Variants in NRG1 observed in about 807,000 individuals in gnomAD.
NRG1 encodes pro-neuregulin-1, membrane-bound isoform.
NRG1 carries 18 observed loss-of-function variants against 63.8 expected under a neutral mutation model. The observed-to-expected ratio is 0.28, with a 90% CI of 0.19 to 0.42. NRG1 has a LOEUF of 0.42. Among genes scored for constraint, NRG1 ranks in the 10% least tolerant of loss-of-function variants. The pLI is 1.00. For synonymous variants in NRG1, 302 were observed against 301.3 expected (o/e 1.00, Z -0.02); for missense variants, 762 against 814.7 (o/e 0.94, Z 0.79).
chr8:32,004,011 T>G (rs985284702), intron 1 of NRG1, among the ~76,000 whole-genome samples: 2 of 152,018 alleles, frequency 1.3e-5, no homozygotes, highest in African/African-American at 4.8e-5. Flanking sequence ...GAAAATACCA[T>G]TGAAGATGGG....
At chr8:32,768,517 G>A (rs1831589745), downstream of NRG1, among the ~76,000 whole-genome samples, 1 of 152,150 alleles carries the variant, frequency 6.6e-6, no homozygotes, top group Non-Finnish European at 1.5e-5. Flanking sequence ...AGAAGGCCAA[G>A]TTAGGTTCAT....
intron 1 of NRG1, among the ~76,000 whole-genome samples, chr8:32,109,693 C>T (rs1051444349): frequency 6.6e-6 from 1 of 152,084 alleles, no homozygotes; most frequent in Admixed American, 6.5e-5. Context: ...CTCATCAACA[C>T]CAAGAAGCTG....
chr8:31,812,090 A>C (rs1259447582), intron 1 of NRG1, among the ~76,000 whole-genome samples: 1 of 152,230 alleles, frequency 6.6e-6, no homozygotes. Context: ...TTCAGGCTCT[A>C]TAATGGATTA....
intron 1 of NRG1, among the ~76,000 whole-genome samples, chr8:31,836,078 C>T (rs957826882): frequency 6.6e-6 from 1 of 152,076 alleles, no homozygotes; most frequent in Non-Finnish European, 1.5e-5. Flanking sequence ...ACATGTAAGG[C>T]AACACATTCT....
chr8:32,294,271 T>A lies in NRG1; in HGVS notation c.38-301557T>A, dbSNP rs972332805. 2.6e-5 allele frequency among the ~76,000 whole-genome samples: 4 copies of A among 151,960 alleles called. No individual in the cohort carries two copies. In the South Asian group the frequency reaches 6.2e-4, roughly 24 times the overall value. On this transcript the variant is annotated intron_variant, in intron 1 of 10. Coordinates refer to the NRG1 transcript ENST00000519301. Reference sequence around the variant, plus strand: ...GGGCAGAAAACGCATTTTAGTCAACTGTTGTATAAATATTCTAAACTAGTA... The same window carrying A: ...GGGCAGAAAACGCATTTTAGTCAACAGTTGTATAAATATTCTAAACTAGTA...
At chr8:32,759,475 A>G (rs772788845) in intron 10 of NRG1, 39 bp downstream of exon 10, 7 of 1,605,932 alleles carry the variant, frequency 4.4e-6, no homozygotes, top group South Asian at 2.2e-5. Flanking sequence ...TTCTCTCAGA[A>G]TGAATTGTTG....
At chr8:31,942,235 A>C (rs1294003338) in intron 1 of NRG1, among the ~76,000 whole-genome samples, 1 of 152,022 alleles carries the variant, frequency 6.6e-6, no homozygotes, top group Admixed American at 6.6e-5. Flanking sequence ...AATAAACCCA[A>C]ATACTTACAG....
intron 5 of NRG1, among the ~76,000 whole-genome samples, chr8:32,633,566 C>G (rs1160480860): frequency 6.6e-6 from 1 of 152,148 alleles, no homozygotes; most frequent in African/African-American, 2.4e-5. Flanking sequence ...TGTTTCCTGA[C>G]AGGCTCATTA....
chr8:32,482,398 T>TGTGTGTGTG (rs1825407330), intron 1 of NRG1, among the ~76,000 whole-genome samples: 2 of 148,220 alleles, frequency 1.3e-5, no homozygotes, highest in Non-Finnish European at 3.0e-5. Context: ...CTTTCTACTT[T>TGTGTGTGTG]TGTGTGTGTG....
At chr8:31,693,546 G>A (rs971347886) in intron 1 of NRG1, among the ~76,000 whole-genome samples, 11 of 151,872 alleles carry the variant, frequency 7.2e-5, no homozygotes, top group African/African-American at 2.4e-4. Flanking sequence ...ATGAAATGAG[G>A]CATATGCTGT....
At chr8:32,681,595 A>G (rs1808652088) in intron 5 of NRG1, among the ~76,000 whole-genome samples, 1 of 152,188 alleles carries the variant, frequency 6.6e-6, no homozygotes, top group African/African-American at 2.4e-5. Flanking sequence ...TTACACAGTG[A>G]TGAATTAATA....
intron 1 of NRG1, among the ~76,000 whole-genome samples, chr8:32,454,495 A>T (rs1276156988): frequency 3.3e-5 from 5 of 151,962 alleles, no homozygotes; most frequent in African/African-American, 1.2e-4. Context: ...AAAACTTGTC[A>T]AATGTCTCAA....
Position 32,581,599 on chromosome 8 carries a change from G to A in NRG1, c.101-14229G>A, listed in dbSNP as rs180844047. Among the ~76,000 whole-genome samples the A allele has an allele frequency of 3.9e-5, 6 of 152,240 alleles. No homozygotes were observed. In the East Asian group the frequency reaches 1.2e-3, roughly 29 times the overall value. On this transcript the variant is annotated intron_variant, in intron 1 of 11. Transcript: ENST00000356819. ...CCTAAGTGAAACAAACATGTGTAAA[G>A]ATAAAATACCTTATATTAAATGGAA...
rs71209904 is a variant in NRG1, at chr8:32,725,464, A to ATTTTTTTTTTTTTTTTTTTTTTTTTTTTT, written c.503-2484_503-2456dup. Among the ~76,000 whole-genome samples, 5 of 67,540 alleles carry ATTTTTTTTTTTTTTTTTTTTTTTTTTTTT rather than the reference A, an allele frequency of 7.4e-5. 1 individual carries two copies. Among genetic ancestry groups the ATTTTTTTTTTTTTTTTTTTTTTTTTTTTT allele is most frequent in the East Asian group, 6.3e-4 (1 of 1,578 alleles). 44.3% of individuals were successfully genotyped at this position (67,540 alleles called of 152,430 possible). A position where few individuals can be genotyped will look rare whatever the true frequency, so the allele number is the denominator to read the frequency against. On this transcript the variant is annotated intron_variant, in intron 5 of 11. Transcript: ENST00000356819. ...TTTAACATTCGAGGCAAACTTCCTA[A>ATTTTTTTTTTTTTTTTTTTTTTTTTTTTT]TTTTTTTTTTTTTTTTTTTTTTTTT... is the stretch of plus-strand genomic sequence containing the variant.
chr8:32,584,440 C>G (rs193027637), intron 1 of NRG1, among the ~76,000 whole-genome samples: 1 of 152,032 alleles, frequency 6.6e-6, no homozygotes, highest in African/African-American at 2.4e-5. Flanking sequence ...AAATGTGGAC[C>G]CTGCTGAAGA....
At position 31,761,015 on chromosome 8, in the gene NRG1, C is replaced by T. The variant is rs1030993002; in HGVS notation, c.37+121584C>T. On this transcript the variant is annotated intron_variant, in intron 1 of 10. Transcript: ENST00000519301. The stretch of plus-strand genomic sequence containing the variant: ...GACACATGCACACGTATGTTTATTG[C>T]GGCACTATTCACAATAGCAAAGACT... Among the ~76,000 whole-genome samples the T allele has an allele frequency of 9.2e-5, 14 of 152,182 alleles. 1 individual carries two copies. The highest frequency in any genetic ancestry group is 2.1e-4 in the South Asian group (1 of 4,824).
intron 1 of NRG1, among the ~76,000 whole-genome samples, chr8:32,302,557 T>C (rs1258710621): frequency 6.8e-6 from 1 of 146,976 alleles, no homozygotes; most frequent in African/African-American, 2.5e-5. Context: ...CTTTGACTAT[T>C]GACTCACTAT....
intron 1 of NRG1, among the ~76,000 whole-genome samples, chr8:31,842,903 T>A (rs1826324900): frequency 6.6e-6 from 1 of 152,188 alleles, no homozygotes; most frequent in Non-Finnish European, 1.5e-5. Context: ...GCTGTCTTAA[T>A]TGACAGTCCC....
At chr8:32,238,103 G>A (rs1314410126) in intron 1 of NRG1, among the ~76,000 whole-genome samples, 3 of 152,074 alleles carry the variant, frequency 2.0e-5, no homozygotes, top group Admixed American at 6.6e-5. Context: ...TATCTGATTC[G>A]GTGTGTAGTC....
Sources: allele counts gnomAD v4.1 joint callset (sites outside exome capture counted in the v4.1 genomes callset), GRCh38; gene constraint gnomAD v4.1.1; transcripts MANE v1.5; gene names NCBI Gene and HGNC (gene_info 2026-07-23, HGNC 2026-07-21).